The following CDH18 variants were observed in gnomAD, a reference collection of about 807,000 sequenced individuals.
CDH18 encodes cadherin-18.
CDH18 carries 31 observed loss-of-function variants against 67.9 expected under a neutral mutation model. The ratio of observed to expected loss-of-function variants is 0.46; its 90% CI spans 0.34 to 0.62. The LOEUF (loss-of-function observed/expected upper bound fraction) is 0.62, where lower values mean the gene tolerates loss of function less well. CDH18 is among the 20% of genes least tolerant of loss of function. The pLI is 0.01. For missense variants in CDH18, 890 were observed against 975.5 expected (o/e 0.91, Z 1.17); for synonymous variants, 362 against 347.2 (o/e 1.04, Z -0.48).
chr5:19,646,101 C>T (rs982273464), intron 5 of CDH18, among the ~76,000 whole-genome samples: 10 of 151,946 alleles, frequency 6.6e-5, no homozygotes, highest in African/African-American at 2.4e-4. Context: ...TAATTAGATT[C>T]AGGATGTATA....
intron 2 of CDH18, among the ~76,000 whole-genome samples, chr5:20,104,564 T>C (rs1746763113): frequency 6.6e-6 from 1 of 152,168 alleles, no homozygotes; most frequent in African/African-American, 2.4e-5. Context: ...AGTTTTTAGA[T>C]TGTCTCACAG....
chr5:20,139,788 G>C (rs1460006470), intron 2 of CDH18, among the ~76,000 whole-genome samples: 2 of 152,178 alleles, frequency 1.3e-5, no homozygotes, highest in African/African-American at 4.8e-5. Flanking sequence ...ACACCAGTTA[G>C]AATGGCGATC....
rs572376990 is a variant in CDH18 at position 19,551,933 on chromosome 5, A to G, written c.1254-7928T>C. On this transcript the variant is annotated intron_variant, in intron 8 of 12. Transcript: ENST00000382275. ...AGACTAAAGCTCTTTAACTTCTACC[A>G]ATAATAACACAGATGTATTGCTTGG... 2.6e-5 allele frequency among the ~76,000 whole-genome samples: 4 copies of G among 152,322 alleles called. No individual in the cohort carries two copies. In the South Asian group the frequency reaches 6.2e-4, roughly 24 times the overall value.
chr5:19,903,618 T>C (rs905420074), intron 2 of CDH18, among the ~76,000 whole-genome samples: 19 of 36,012 alleles, frequency 5.3e-4, no homozygotes, highest in Non-Finnish European at 8.6e-4. Context: ...GCAAAGTGGC[T>C]TTTTTTTTTT....
intron 11 of CDH18, among the ~76,000 whole-genome samples, chr5:19,492,000 A>G (rs2126674775): frequency 6.6e-6 from 1 of 152,244 alleles, no homozygotes; most frequent in Non-Finnish European, 1.5e-5. Flanking sequence ...AGAATGGAAA[A>G]CACATACAAA....
chr5:20,290,537 A>C (rs977779975), intron 1 of CDH18, among the ~76,000 whole-genome samples: 13 of 152,160 alleles, frequency 8.5e-5, no homozygotes, highest in Non-Finnish European at 1.9e-4. Flanking sequence ...AGAATGAACT[A>C]TAGAAATACA....
intron 2 of CDH18, among the ~76,000 whole-genome samples, chr5:20,172,196 A>ATATATG (rs1172188790): frequency 2.2e-5 from 1 of 45,436 alleles, no homozygotes; most frequent in Non-Finnish European, 4.0e-5. Flanking sequence ...GTGTGTATAT[A>ATATATG]TATATATATA....
In CDH18 at chr5:19,997,819, G is replaced by A. The variant is rs778267487; in HGVS notation, c.-517-5805C>T. Among the ~76,000 whole-genome samples the A allele has an allele frequency of 8.3e-4, 127 of 152,134 alleles. 1 individual carries two copies. Among genetic ancestry groups the A allele is most frequent in the Middle Eastern group, 6.8e-3 (2 of 292 alleles). ...TAATGCAATACTATCATAAAGGCAC[G>A]CATAGGGTGTCATGAAAGTTTCTTA... On this transcript the variant is annotated intron_variant, in intron 2 of 14. Coordinates refer to the CDH18 transcript ENST00000507958.
chr5:20,464,958 G>C (rs1435691889), intron 1 of CDH18, among the ~76,000 whole-genome samples: 1 of 152,084 alleles, frequency 6.6e-6, no homozygotes, highest in African/African-American at 2.4e-5. Flanking sequence ...GTATAATTAA[G>C]GTGAGAATAG....
At position 20,393,886 on chromosome 5, in the gene CDH18, C is replaced by T. The variant is rs183833334; in HGVS notation, c.-579-138381G>A. Among the ~76,000 whole-genome samples, 138 of 152,068 alleles carry T rather than the reference C, an allele frequency of 9.1e-4. 1 individual carries two copies. Among genetic ancestry groups the T allele is most frequent in the African/African-American group, 3.2e-3 (133 of 41,528 alleles). On this transcript the variant is annotated intron_variant, in intron 1 of 14. Coordinates refer to the CDH18 transcript ENST00000507958. ...TCTCTACAAGGAGAACTATGAAACA[C>T]TGCTGAAAGAAATCATAGATGACAC...
In CDH18 at chr5:19,571,525, A is replaced by G. The variant is rs1741385587; in HGVS notation, c.1253+54T>C. 23 of 1,500,962 alleles carry G rather than the reference A, an allele frequency of 1.5e-5. No individual in the cohort carries two copies. The South Asian group carries it at 2.6e-4, about 17-fold the overall frequency. 93.0% of individuals were successfully genotyped at this position (1,500,962 alleles called of 1,614,324 possible). On this transcript the variant is annotated intron_variant, in intron 8 of 12. Coordinates refer to ENST00000382275, the MANE Select transcript of CDH18 (RefSeq NM_004934.5). ...GTGTAATTTTATTCAAGTTTAATTA[A>G]TGTGAGAGGCAATAAAAATCTTTCT...
At chr5:19,806,061 T>C (rs1778003951) in intron 3 of CDH18, among the ~76,000 whole-genome samples, 1 of 152,234 alleles carries the variant, frequency 6.6e-6, no homozygotes. Context: ...TTACCCCTGT[T>C]TGTCCTTGAA....
intron 9 of CDH18, among the ~76,000 whole-genome samples, chr5:19,533,611 A>T (rs1748993205): frequency 6.6e-6 from 1 of 152,174 alleles, no homozygotes; most frequent in South Asian, 2.1e-4. Context: ...TAGACAGTGA[A>T]AAAGTAAGAA....
chr5:19,956,712 G>T (rs1449294855), intron 2 of CDH18, among the ~76,000 whole-genome samples: 1 of 151,798 alleles, frequency 6.6e-6, no homozygotes, highest in Non-Finnish European at 1.5e-5. Flanking sequence ...TGATAATACA[G>T]TATATATTTT....
At chr5:19,927,645 C>T (rs1398767620) in intron 2 of CDH18, among the ~76,000 whole-genome samples, 1 of 151,998 alleles carries the variant, frequency 6.6e-6, no homozygotes, top group Non-Finnish European at 1.5e-5. Context: ...ATGAATGTTA[C>T]TGCAGGTCAG....
At chr5:20,069,492 A>G (rs2150522675) in intron 2 of CDH18, among the ~76,000 whole-genome samples, 1 of 151,932 alleles carries the variant, frequency 6.6e-6, no homozygotes, top group African/African-American at 2.4e-5. Flanking sequence ...AGCTCACTGC[A>G]ACCTCCACCT....
At chr5:19,901,358 A>G (rs979383429) in intron 2 of CDH18, among the ~76,000 whole-genome samples, 5 of 152,072 alleles carry the variant, frequency 3.3e-5, no homozygotes, top group African/African-American at 9.7e-5. Flanking sequence ...TTTTTGTTGC[A>G]TGACTAGTTT....
intron 2 of CDH18, among the ~76,000 whole-genome samples, chr5:20,142,848 CA>C (rs1723885901): frequency 6.6e-6 from 1 of 152,142 alleles, no homozygotes; most frequent in Non-Finnish European, 1.5e-5. Flanking sequence ...TTCTAGCCTC[CA>C]GAACTGTGAA....
chr5:19,863,292 T>G (rs1356710314), intron 2 of CDH18, among the ~76,000 whole-genome samples: 1 of 152,134 alleles, frequency 6.6e-6, no homozygotes, highest in East Asian at 1.9e-4. Context: ...GCTATCCCTT[T>G]CTAGCCAACA....
Sources: allele counts gnomAD v4.1 joint callset (sites outside exome capture counted in the v4.1 genomes callset), GRCh38; gene constraint gnomAD v4.1.1; transcripts MANE v1.5; gene names NCBI Gene and HGNC (gene_info 2026-07-23, HGNC 2026-07-21).